Variants in UNC5A observed in about 807,000 individuals in gnomAD.
The protein encoded by UNC5A is netrin receptor UNC5A.
Under a neutral mutation model 87.4 loss-of-function variants are expected in UNC5A, and 20 were observed. The ratio of observed to expected loss-of-function variants is 0.23; its 90% CI spans 0.16 to 0.33. The LOEUF (loss-of-function observed/expected upper bound fraction) is 0.33, where lower values mean the gene tolerates loss of function less well. Ranked by LOEUF, UNC5A falls within the 10% of genes least tolerant of loss-of-function variation. The pLI is 1.00. For missense variants in UNC5A, 844 were observed against 1,133.4 expected (o/e 0.74, Z 3.67); for synonymous variants, 438 against 482.3 (o/e 0.91, Z 1.20).
Position 176,869,619 on chromosome 5 carries a change from G to T in UNC5A, c.721+655G>T. The T allele has an allele frequency of 1.4e-6, 1 of 699,662 alleles. No individual in the cohort carries two copies. The highest frequency in any genetic ancestry group is 2.6e-6 in the Non-Finnish European group (1 of 383,694). The allele number at this position is 699,662 out of a possible 1,614,324, so 43.3% of individuals were successfully genotyped here. A position where few individuals can be genotyped will look rare whatever the true frequency, so the allele number is the denominator to read the frequency against. On this transcript the variant is annotated intron_variant, in intron 5 of 14. Transcript: ENST00000329542. This position sits in a 1 kb window ranked among gnomAD's most constrained non-coding sequence, Gnocchi z 9.1. ...GTCCTTCTCTGTCCGGCCAGTGAAC[G>T]GTGGGTGGTCGACGTGGACCGAGTG...
chr5:176,834,472 G>A (rs991223368), intron 1 of UNC5A, among the ~76,000 whole-genome samples: 2 of 152,202 alleles, frequency 1.3e-5, no homozygotes, highest in Admixed American at 6.5e-5. Flanking sequence ...GCATTCTCCT[G>A]TGAGGACCCT....
At position 176,869,036 on chromosome 5, in the gene UNC5A, G is replaced by A; in HGVS notation, c.721+72G>A. 6.7e-7 allele frequency: 1 copy of A among 1,494,412 alleles called. No homozygotes were observed. The highest frequency in any genetic ancestry group is 8.9e-7 in the Non-Finnish European group (1 of 1,117,610). 92.6% of individuals were successfully genotyped at this position (1,494,412 alleles called of 1,614,324 possible). On this transcript the variant is annotated intron_variant, in intron 5 of 14. Coordinates refer to ENST00000329542, the MANE Select transcript of UNC5A (RefSeq NM_133369.3). The surrounding 1 kb of genome is among the most constrained non-coding windows in gnomAD (Gnocchi z 9.1). Reference sequence around the variant, plus strand: ...CCTGGGCAGTGACATGTGGCTGGTGGGGTGAAGAGAGGCCATGAGGCCAAA... The same window carrying A: ...CCTGGGCAGTGACATGTGGCTGGTGAGGTGAAGAGAGGCCATGAGGCCAAA...
At chr5:176,816,582 T>G (rs1756593650) in intron 1 of UNC5A, among the ~76,000 whole-genome samples, 2 of 152,378 alleles carry the variant, frequency 1.3e-5, no homozygotes, top group South Asian at 2.1e-4. Context: ...GGCAGGTGCC[T>G]AGGCACAAAG....
rs1242485026 is a variant in UNC5A, at chr5:176,877,631, C to G, written c.1563C>G (p.Asp521Glu). The change falls in exon 10 of 15, where the codon GAC becomes GAG. Residue 521 changes from aspartate (D) to glutamate (E), a missense_variant. Transcript: ENST00000329542. ...CCCGGCCAGTCATCCTGGCTATGGA[C>G]CACTGTGGGGAGCCCAGCCCTGACA... is the stretch of plus-strand genomic sequence containing the variant. ...LLTRPVILAM[D>E]HCGEPSPDSW... The G allele has an allele frequency of 6.2e-7, 1 of 1,612,674 alleles. No homozygotes were observed. Among genetic ancestry groups the G allele is most frequent in the Admixed American group, 1.7e-5 (1 of 60,006 alleles).
chr5:176,868,500 C>T, intron 3 of UNC5A, 61 bp from the exon 4 acceptor site: 3 of 1,527,910 alleles, frequency 2.0e-6, no homozygotes, highest in South Asian at 1.2e-5. Flanking sequence ...AGGGACACAG[C>T]CAGCCAGGCT....
intron 1 of UNC5A, among the ~76,000 whole-genome samples, chr5:176,817,553 C>T (rs1222717168): frequency 1.3e-5 from 2 of 152,116 alleles, no homozygotes; most frequent in Non-Finnish European, 2.9e-5. Flanking sequence ...TGCATCTTTC[C>T]AGCACCGCCC....
chr5:176,854,989 T>C (rs899210047), intron 1 of UNC5A, among the ~76,000 whole-genome samples: 4 of 152,172 alleles, frequency 2.6e-5, no homozygotes, highest in Admixed American at 2.6e-4. Flanking sequence ...AGACAGCAGA[T>C]GGGCAGGTGG....
At chr5:176,859,134 C>CTGT (rs1380554918) in intron 1 of UNC5A, among the ~76,000 whole-genome samples, 1 of 31,174 alleles carries the variant, frequency 3.2e-5, no homozygotes, top group African/African-American at 8.9e-5. Flanking sequence ...TGCTAGAATG[C>CTGT]CCTTGCTAGA....
At chr5:176,826,614 T>A (rs2113596878) in intron 1 of UNC5A, among the ~76,000 whole-genome samples, 1 of 150,758 alleles carries the variant, frequency 6.6e-6, no homozygotes, top group African/African-American at 2.4e-5. Context: ...TATGCGACCA[T>A]CACTTCTATC....
At position 176,873,976 on chromosome 5, in the gene UNC5A, G is replaced by A. The variant is rs936758915; in HGVS notation, c.895G>A (p.Gly299Ser). 6.2e-7 allele frequency: 1 copy of A among 1,613,156 alleles called. No individual in the cohort carries two copies. The highest frequency in any genetic ancestry group is 1.7e-5 in the Admixed American group (1 of 60,006). ...CATGCTGTCTCCCGCAGCTGCTTCT[G>A]GCCCTGAGGACGTGGCCCTCTATGT... ...TSDLCVHTAS[G>S]PEDVALYVGL... Residue 299 changes from glycine (G) to serine (S), a missense_variant, in exon 7 of 15, where the codon GGC (glycine) becomes AGC (serine). This residue lies in a region of UNC5A where 314 missense variants were observed against 466.5 expected (regional missense o/e 0.67). Transcript: ENST00000329542.
Position 176,877,648 on chromosome 5 carries a change from G to T in UNC5A, c.1580G>T (p.Ser527Ile), listed in dbSNP as rs1407213795. Residue 527 changes from serine to isoleucine, a missense_variant, in exon 10 of 15, where the codon AGC becomes ATC. Ser to Ile is a moderately radical substitution (Grantham distance 142). Transcript: ENST00000329542. Reference sequence around the variant, plus strand: ...GCTATGGACCACTGTGGGGAGCCCAGCCCTGACAGCTGGAGCCTGCGCCTC... The same window carrying T: ...GCTATGGACCACTGTGGGGAGCCCATCCCTGACAGCTGGAGCCTGCGCCTC... ...ILAMDHCGEP[S>I]PDSWSLRLKK... 6.2e-7 allele frequency: 1 copy of T among 1,612,188 alleles called. No homozygotes were observed. Among genetic ancestry groups the T allele is most frequent in the South Asian group, 1.1e-5 (1 of 91,076 alleles).
chr5:176,865,450 C>A lies in UNC5A; in HGVS notation c.292+2605C>A. 2.6e-6 allele frequency: 1 copy of A among 378,560 alleles called. No individual in the cohort carries two copies. The highest frequency in any genetic ancestry group is 5.3e-6 in the Non-Finnish European group (1 of 188,516). The allele number at this position is 378,560 out of a possible 1,614,324, so 23.5% of individuals were successfully genotyped here. A position where few individuals can be genotyped will look rare whatever the true frequency, so the allele number is the denominator to read the frequency against. On this transcript the variant is annotated intron_variant, in intron 2 of 14. Transcript: ENST00000329542. The surrounding 1 kb of genome is among the most constrained non-coding windows in gnomAD (Gnocchi z 5.3). ...CACTCCCCAGCCGGCTCCTGTGGCC[C>A]TGTTCTCTTCCTGCCGGGCAGAGAA...
intron 2 of UNC5A, chr5:176,864,990 C>A (rs1017200789): frequency 6.9e-5 from 25 of 363,070 alleles, no homozygotes; most frequent in Middle Eastern, 8.9e-4. Context: ...AGGCAAGTCC[C>A]TCCCCTCCCT....
Position 176,848,864 on chromosome 5 carries a change from G to A in UNC5A, c.71-13760G>A, listed in dbSNP as rs1415418269. On this transcript the variant is annotated intron_variant, in intron 1 of 14. Coordinates refer to ENST00000329542, the MANE Select transcript of UNC5A (RefSeq NM_133369.3). The surrounding 1 kb of genome is among the most constrained non-coding windows in gnomAD (Gnocchi z 5.8). Reference sequence around the variant, plus strand: ...CCCCTCTCGGCCTCTGGAAGGGACAGTGCCCTCAGGCCTCAGCTGAGAGGA... The same window carrying A: ...CCCCTCTCGGCCTCTGGAAGGGACAATGCCCTCAGGCCTCAGCTGAGAGGA... 6.6e-6 allele frequency among the ~76,000 whole-genome samples: 1 copy of A among 152,240 alleles called. No homozygotes were observed. The highest frequency in any genetic ancestry group is 1.9e-4 in the East Asian group (1 of 5,198).
At chr5:176,823,540 C>T (rs912768497) in intron 1 of UNC5A, among the ~76,000 whole-genome samples, 6 of 152,026 alleles carry the variant, frequency 3.9e-5, no homozygotes, top group African/African-American at 7.3e-5. Context: ...GAAAGCCGTC[C>T]GGGAAAGGTG....
At chr5:176,817,574 C>CCCGCCCCACCCCCCA (rs1756622973) in intron 1 of UNC5A, among the ~76,000 whole-genome samples, 1 of 150,230 alleles carries the variant, frequency 6.7e-6, no homozygotes, top group African/African-American at 2.5e-5. Context: ...CCCACCCCGC[C>CCCGCCCCACCCCCCA]CCTCCCCACC....
intron 1 of UNC5A, among the ~76,000 whole-genome samples, chr5:176,860,809 T>C (rs1757817670): frequency 1.3e-5 from 2 of 152,076 alleles, no homozygotes; most frequent in African/African-American, 4.8e-5. Flanking sequence ...TTGGTGTCCA[T>C]AACAGAGCTG....
intron 1 of UNC5A, among the ~76,000 whole-genome samples, chr5:176,861,450 A>G (rs10866703): frequency 0.75 from 114,165 of 152,150 alleles, 46,350 homozygotes; most frequent in Non-Finnish European, 0.91. Flanking sequence ...CCGTGAAACC[A>G]GGGTCCTGGT....
At position 176,838,481 on chromosome 5, in the gene UNC5A, G is replaced by T. The variant is rs1175256585; in HGVS notation, c.71-24143G>T. On this transcript the variant is annotated intron_variant, in intron 1 of 14. Transcript: ENST00000329542. The surrounding 1 kb of genome is among the most constrained non-coding windows in gnomAD (Gnocchi z 4.2). ...TTGGTTGCAGTATGAAAGAAAACTC[G>T]ACTCACACAGACTTAAACACATTTA... is the stretch of plus-strand genomic sequence containing the variant. Among the ~76,000 whole-genome samples the T allele has an allele frequency of 1.3e-5, 2 of 152,222 alleles. No homozygotes were observed. Among genetic ancestry groups the T allele is most frequent in the Admixed American group, 1.3e-4 (2 of 15,280 alleles).
Sources: gnomAD v4.1 joint callset for allele counts (sites outside exome capture counted in the v4.1 genomes callset) on GRCh38, gnomAD v4.1.1 for gene constraint, gnomAD v4.1.1 regional missense constraint, Gnocchi (gnomAD v3.1) non-coding constraint, MANE v1.5 for transcripts, NCBI Gene and HGNC (gene_info 2026-07-23, HGNC 2026-07-21) for gene names.